FHIT: variants seen among roughly 807,000 people sequenced by gnomAD.
The protein encoded by FHIT is bis(5'-adenosyl)-triphosphatase.
A neutral mutation model predicts 17.9 loss-of-function variants in FHIT; 19 were observed. The observed-to-expected ratio is 1.06, with a 90% CI of 0.74 to 1.56. The LOEUF is 1.56. Ranked by LOEUF, FHIT falls within the 40% of genes most tolerant of loss-of-function variation. FHIT has a pLI of 0.00. For missense variants in FHIT, 248 were observed against 189.2 expected (o/e 1.31, Z -1.82); for synonymous variants, 81 against 69.7 (o/e 1.16, Z -0.81).
At chr3:60,818,557 A>G (rs1351665126) in intron 4 of FHIT, among the ~76,000 whole-genome samples, 1 of 152,168 alleles carries the variant, frequency 6.6e-6, no homozygotes, top group South Asian at 2.1e-4. Context: ...TTGGAATTTT[A>G]TCAAGTGCAT....
intron 3 of FHIT, among the ~76,000 whole-genome samples, chr3:60,890,933 T>G (rs1263727725): frequency 6.6e-6 from 1 of 152,228 alleles, no homozygotes; most frequent in Non-Finnish European, 1.5e-5. Context: ...TAAAGATATT[T>G]GACTCCACAC....
chr3:59,774,923 C>T (rs193263929), intron 8 of FHIT, among the ~76,000 whole-genome samples: 2 of 152,238 alleles, frequency 1.3e-5, no homozygotes, highest in Admixed American at 1.3e-4. Flanking sequence ...TATAGACCAG[C>T]GACATCAGCA....
intron 3 of FHIT, among the ~76,000 whole-genome samples, chr3:60,903,973 A>C (rs1467888299): frequency 3.3e-5 from 5 of 152,192 alleles, no homozygotes; most frequent in African/African-American, 9.6e-5. Context: ...TCAAAAGCTG[A>C]GCCTTCCCTC....
At chr3:60,547,764 A>G (rs191194489) in intron 4 of FHIT, among the ~76,000 whole-genome samples, 42 of 152,186 alleles carry the variant, frequency 2.8e-4, no homozygotes, top group African/African-American at 8.7e-4. Context: ...GATCTCTACT[A>G]TCCTTTTGTG....
intron 1 of FHIT, among the ~76,000 whole-genome samples, chr3:61,249,138 C>T (rs2040553141): frequency 6.6e-6 from 1 of 152,088 alleles, no homozygotes; most frequent in African/African-American, 2.4e-5. Flanking sequence ...GAGGAGAAAC[C>T]ATTATCTAAA....
In FHIT at chr3:59,916,434, C is replaced by T. The variant is rs149201952; in HGVS notation, c.348+5912G>A. Among the ~76,000 whole-genome samples, 27 of 152,244 alleles carry T rather than the reference C, an allele frequency of 1.8e-4. No homozygotes were observed. The East Asian group carries it at 4.8e-3, about 27-fold the overall frequency. The stretch of plus-strand genomic sequence containing the variant: ...CAGATGGCCTATTGTGGGGCTTCAC[C>T]TTGTGATCATGTAAGTCAATACTCC... On this transcript the variant is annotated intron_variant, in intron 8 of 9. Coordinates refer to ENST00000492590, the MANE Select transcript of FHIT (RefSeq NM_002012.4).
At chr3:60,428,355 T>C (rs928987288) in intron 5 of FHIT, among the ~76,000 whole-genome samples, 1 of 152,102 alleles carries the variant, frequency 6.6e-6, no homozygotes, top group African/African-American at 2.4e-5. Context: ...ATCGTGGCAA[T>C]AGGACCCATT....
intron 3 of FHIT, among the ~76,000 whole-genome samples, chr3:60,861,235 T>TATCATAGAA (rs1703849846): frequency 6.4e-5 from 1 of 15,748 alleles, no homozygotes; most frequent in Non-Finnish European, 1.9e-4. Flanking sequence ...ATATGATATA[T>TATCATAGAA]CATATCATAT....
At chr3:60,668,461 A>G (rs1345122853) in intron 4 of FHIT, among the ~76,000 whole-genome samples, 1 of 148,806 alleles carries the variant, frequency 6.7e-6, no homozygotes, top group African/African-American at 2.5e-5. Flanking sequence ...GTTAGGAAAC[A>G]CTCGGTCTAG....
At chr3:60,053,257 T>A (rs1701954634) in intron 5 of FHIT, among the ~76,000 whole-genome samples, 1 of 151,538 alleles carries the variant, frequency 6.6e-6, no homozygotes, top group South Asian at 2.1e-4. Context: ...CCAATTATTT[T>A]CTCTCTAGAT....
Position 60,955,611 on chromosome 3 carries a change from T to TATACACATATATATATATATAC in FHIT, c.-111+86435_-111+86436insGTATATATATATATATGTGTAT, listed in dbSNP as rs1709093871. Among the ~76,000 whole-genome samples, 3 of 16,896 alleles carry TATACACATATATATATATATAC rather than the reference T, an allele frequency of 1.8e-4. 1 individual carries two copies. Among genetic ancestry groups the TATACACATATATATATATATAC allele is most frequent in the African/African-American group, 3.7e-4 (3 of 8,132 alleles). The allele number at this position is 16,896 out of a possible 152,430, so 11.1% of individuals were successfully genotyped here. On this transcript the variant is annotated intron_variant, in intron 3 of 9. Coordinates refer to ENST00000492590, the MANE Select transcript of FHIT (RefSeq NM_002012.4). Reference sequence around the variant, plus strand: ...GCATATATATACATATATATATATATATATATATATATATATATATATACA... The same window carrying TATACACATATATATATATATAC: ...GCATATATATACATATATATATATATATACACATATATATATATATACATATATATATATATATATATATACA...
intron 5 of FHIT, among the ~76,000 whole-genome samples, chr3:60,017,373 C>T (rs1177298182): frequency 1.3e-5 from 2 of 152,182 alleles, no homozygotes; most frequent in East Asian, 3.8e-4. Context: ...ACCAGCTTGC[C>T]TGAACTGGAG....
At chr3:60,539,683 T>C (rs2036115564) in intron 4 of FHIT, among the ~76,000 whole-genome samples, 1 of 151,938 alleles carries the variant, frequency 6.6e-6, no homozygotes, top group Non-Finnish European at 1.5e-5. Flanking sequence ...CAGCAAACTA[T>C]CACAAGGACA....
At chr3:60,560,280 G>T (rs912608486) in intron 4 of FHIT, among the ~76,000 whole-genome samples, 2 of 152,068 alleles carry the variant, frequency 1.3e-5, no homozygotes, top group Non-Finnish European at 2.9e-5. Context: ...CACACTCCTA[G>T]TACAGGGCTT....
intron 3 of FHIT, among the ~76,000 whole-genome samples, chr3:60,947,013 A>C (rs1553775909): frequency 1.3e-5 from 2 of 152,236 alleles, no homozygotes; most frequent in Non-Finnish European, 2.9e-5. Flanking sequence ...ACTGGCTAAC[A>C]AATTGGATGG....
At chr3:59,764,387 C>A (rs780940360) in intron 8 of FHIT, among the ~76,000 whole-genome samples, 3 of 152,188 alleles carry the variant, frequency 2.0e-5, no homozygotes, top group Non-Finnish European at 4.4e-5. Flanking sequence ...TCCAACGGTA[C>A]TCACCAGTCC....
At chr3:60,418,022 C>A (rs1702315500) in intron 5 of FHIT, among the ~76,000 whole-genome samples, 1 of 152,064 alleles carries the variant, frequency 6.6e-6, no homozygotes, top group African/African-American at 2.4e-5. Flanking sequence ...ACATTTGTTT[C>A]ACAGATAAAG....
At chr3:60,612,030 T>G (rs2038800907) in intron 4 of FHIT, among the ~76,000 whole-genome samples, 1 of 152,122 alleles carries the variant, frequency 6.6e-6, no homozygotes, top group African/African-American at 2.4e-5. Context: ...AGCCCTCACC[T>G]GCTCTACCTA....
intron 4 of FHIT, among the ~76,000 whole-genome samples, chr3:60,550,198 T>C (rs1286005416): frequency 1.3e-5 from 2 of 152,206 alleles, no homozygotes; most frequent in African/African-American, 4.8e-5. Context: ...AAACATACTT[T>C]ATTGATGACT....
Sources: gnomAD v4.1 joint callset for allele counts (sites outside exome capture counted in the v4.1 genomes callset) on GRCh38, gnomAD v4.1.1 for gene constraint, MANE v1.5 for transcripts, NCBI Gene and HGNC (gene_info 2026-07-23, HGNC 2026-07-21) for gene names.